JAK2: variants seen among roughly 807,000 people sequenced by gnomAD.
JAK2 encodes the protein Janus kinase 2.
A neutral mutation model predicts 139.3 loss-of-function variants in JAK2; 86 were observed. The ratio of observed to expected loss-of-function variants is 0.62; its 90% confidence interval spans 0.52 to 0.74. The LOEUF (loss-of-function observed/expected upper bound fraction) is 0.74, where lower values mean the gene tolerates loss of function less well. Ranked by LOEUF, JAK2 falls within the 30% of genes least tolerant of loss-of-function variation. The pLI is 0.00. For missense variants in JAK2, 1,421 were observed against 1,360.3 expected (o/e 1.04, Z -0.70); for synonymous variants, 490 against 437.7 (o/e 1.12, Z -1.49).
intron 22 of JAK2, chr9:5,101,050 C>G (rs1282596866): frequency 6.6e-6 from 1 of 152,276 alleles, no homozygotes; most frequent in Non-Finnish European, 1.5e-5. Flanking sequence ...GTGCAGCCCA[C>G]AGAGGGCAAG....
rs1432584650 is a variant in JAK2 at position 5,055,795 on chromosome 9, T to C, written c.1056+7T>C. 6.2e-7 allele frequency: 1 copy of C among 1,607,120 alleles called. No individual in the cohort carries two copies. The highest frequency in any genetic ancestry group is 1.3e-5 in the African/African-American group (1 of 74,686). ...GCAAGATGGTAAAAATCTGGTAAGT[T>C]TGCTTTATGATTGAATAATGGTTTC... On this transcript the variant is annotated splice_region_variant and intron_variant, in intron 8 of 24. Coordinates refer to ENST00000381652, the MANE Select transcript of JAK2 (RefSeq NM_004972.4).
At chr9:5,043,384 A>G (rs1331933703) in intron 4 of JAK2, among the ~76,000 whole-genome samples, 1 of 152,226 alleles carries the variant, frequency 6.6e-6, no homozygotes. Flanking sequence ...GAGAAATACA[A>G]ATCAAAACCA....
At chr9:5,042,477 C>G (rs1410499645) in intron 4 of JAK2, among the ~76,000 whole-genome samples, 1 of 152,208 alleles carries the variant, frequency 6.6e-6, no homozygotes, top group East Asian at 1.9e-4. Context: ...TAGTCCTCCC[C>G]TCCAAGAGCA....
chr9:5,127,667 G>A lies in JAK2; in HGVS notation c.*876G>A, dbSNP rs1397707524. On this transcript the variant is annotated 3_prime_UTR_variant, in exon 25 of 25. Transcript: ENST00000381652. Reference sequence around the variant, plus strand: ...GAATATTGTCATCCTTTGAGCTGCTGACTGCCAATAACATTCTTCGATCTC... The same window carrying A: ...GAATATTGTCATCCTTTGAGCTGCTAACTGCCAATAACATTCTTCGATCTC... 4.3e-6 allele frequency: 1 copy of A among 232,072 alleles called. No individual in the cohort carries two copies. The highest frequency in any genetic ancestry group is 8.5e-6 in the Non-Finnish European group (1 of 116,990). The allele number at this position is 232,072 out of a possible 1,614,324, so 14.4% of individuals were successfully genotyped here.
chr9:5,000,514 C>T (rs570282947), intron 2 of JAK2, among the ~76,000 whole-genome samples: 1 of 152,236 alleles, frequency 6.6e-6, no homozygotes, highest in African/African-American at 2.4e-5. Context: ...TATATATAGT[C>T]ATTGTGTAGA....
rs1465903884 is a variant in JAK2, at chr9:5,121,052, G to C, written c.3060-1952G>C. 3.3e-5 allele frequency among the ~76,000 whole-genome samples: 5 copies of C among 152,140 alleles called. No individual in the cohort carries two copies. In the East Asian group the frequency reaches 7.7e-4, roughly 23 times the overall value. ...TCTAAGGGAAAGTTTTTAACCAAGA[G>C]AGGAATAAATCTGATGAAGAGACCC... is the stretch of plus-strand genomic sequence containing the variant. On this transcript the variant is annotated intron_variant, in intron 22 of 24. Coordinates refer to ENST00000381652, the MANE Select transcript of JAK2 (RefSeq NM_004972.4).
intron 4 of JAK2, 149 bp from the exon 5 acceptor site, chr9:5,044,254 T>C: frequency 1.8e-6 from 1 of 564,774 alleles, no homozygotes. Flanking sequence ...CCACATATCC[T>C]TTTGTCTCAC....
intron 19 of JAK2, among the ~76,000 whole-genome samples, chr9:5,082,873 A>G (rs149205996): frequency 6.6e-6 from 1 of 152,258 alleles, no homozygotes; most frequent in African/African-American, 2.4e-5. Context: ...GGTTGGGGCA[A>G]AGTTACAGAT....
chr9:5,054,914 T>C lies in JAK2; in HGVS notation c.936+30T>C. ...TCCTTAATGATATGTTCTTGTTCTT[T>C]GTTATTTTAAGTACAATGGAAATAA... On this transcript the variant is annotated intron_variant, in intron 7 of 24. Coordinates refer to ENST00000381652, the MANE Select transcript of JAK2 (RefSeq NM_004972.4). This position sits in a 1 kb window ranked among gnomAD's most constrained non-coding sequence, Gnocchi z 4.9. 8 of 1,461,448 alleles carry C rather than the reference T, an allele frequency of 5.5e-6. No homozygotes were observed. Among genetic ancestry groups the C allele is most frequent in the Non-Finnish European group, 7.4e-6 (8 of 1,074,934 alleles). The allele number at this position is 1,461,448 out of a possible 1,614,324, so 90.5% of individuals were successfully genotyped here.
chr9:5,022,270 A>G (rs998283965), intron 3 of JAK2, 57 bp downstream of exon 3: 6 of 1,147,150 alleles, frequency 5.2e-6, no homozygotes, highest in Admixed American at 1.8e-5. Context: ...TAATTATGCT[A>G]TGCTAATACT....
intron 3 of JAK2, among the ~76,000 whole-genome samples, chr9:5,026,226 C>T (rs373188644): frequency 6.6e-6 from 1 of 152,060 alleles, no homozygotes; most frequent in Non-Finnish European, 1.5e-5. Context: ...TGAGTTTCAC[C>T]TTAGTTGTAT....
chr9:5,005,192 C>G (rs1488807526), intron 2 of JAK2, among the ~76,000 whole-genome samples: 3 of 143,198 alleles, frequency 2.1e-5, no homozygotes, highest in Non-Finnish European at 3.0e-5. Context: ...TCAAGTAATC[C>G]TCCCACCTTG....
At position 5,116,163 on chromosome 9, in the gene JAK2, G is replaced by A. The variant is rs151063695; in HGVS notation, c.3060-6841G>A. On this transcript the variant is annotated intron_variant, in intron 22 of 24. Transcript: ENST00000381652. Reference sequence around the variant, plus strand: ...CCTCATAACAACCCTTGGAGAACATGTATGATTATTATCTCTATTTTAAGC... The same window carrying A: ...CCTCATAACAACCCTTGGAGAACATATATGATTATTATCTCTATTTTAAGC... Among the ~76,000 whole-genome samples the A allele has an allele frequency of 3.4e-4, 52 of 152,230 alleles. No homozygotes were observed. The East Asian group carries it at 7.1e-3, about 21-fold the overall frequency.
rs767076792 is a variant in JAK2, at chr9:5,022,140, G to A, written c.153G>A (p.Glu51=). ...VYLYHSLGKS[E]ADYLTFPSGE... is the part of the protein sequence containing the mutation. ...TTTACCATTCCCTTGGGAAATCTGA[G>A]GCAGATTATCTGACCTTTCCATCTG... Residue 51 remains glutamate (E), a synonymous_variant, in exon 3 of 25, where the codon GAG becomes GAA. Coordinates refer to ENST00000381652, the MANE Select transcript of JAK2 (RefSeq NM_004972.4). The A allele has an allele frequency of 6.2e-7, 1 of 1,613,968 alleles. No homozygotes were observed. Among genetic ancestry groups the A allele is most frequent in the Non-Finnish European group, 8.5e-7 (1 of 1,179,982 alleles).
intron 2 of JAK2, among the ~76,000 whole-genome samples, chr9:5,018,321 TTTTG>T (rs370699694): frequency 3.5e-4 from 53 of 152,210 alleles, no homozygotes; most frequent in African/African-American, 1.1e-3. Flanking sequence ...TAATTGTCCT[TTTTG>T]TTTGTTTGTT....
rs1824078307 is a variant in JAK2, at chr9:5,127,559, T to G, written c.*768T>G. ...CTTGTATCTATTTGTGGTGAATGTG[T>G]TTTTTAAATGGAACTATCTCCAAAT... On this transcript the variant is annotated 3_prime_UTR_variant, in exon 25 of 25. Coordinates refer to ENST00000381652, the MANE Select transcript of JAK2 (RefSeq NM_004972.4). 1 of 231,108 alleles carries G rather than the reference T, an allele frequency of 4.3e-6. No individual in the cohort carries two copies. Among genetic ancestry groups the G allele is most frequent in the African/African-American group, 2.2e-5 (1 of 45,068 alleles). The allele number at this position is 231,108 out of a possible 1,614,324, so 14.3% of individuals were successfully genotyped here. A position where few individuals can be genotyped will look rare whatever the true frequency, so the allele number is the denominator to read the frequency against.
At chr9:5,007,095 CTTTAT>C (rs1297437089) in intron 2 of JAK2, among the ~76,000 whole-genome samples, 2 of 151,772 alleles carry the variant, frequency 1.3e-5, no homozygotes, top group African/African-American at 4.8e-5. Context: ...CTTTGCTTTT[CTTTAT>C]TTTATTTTTA....
chr9:5,103,070 G>A (rs574133726), intron 22 of JAK2, among the ~76,000 whole-genome samples: 56 of 151,838 alleles, frequency 3.7e-4, no homozygotes, highest in African/African-American at 1.3e-3. Context: ...TAAATGGGAT[G>A]AATGCCCCAA....
intron 22 of JAK2, chr9:5,111,571 G>A (rs902922314): frequency 5.5e-6 from 2 of 363,036 alleles, no homozygotes; most frequent in Admixed American, 3.7e-5. Flanking sequence ...ATGGCAGCCT[G>A]CACCCCTAAG....
Sources: gnomAD v4.1 joint callset for allele counts (sites outside exome capture counted in the v4.1 genomes callset) on GRCh38, gnomAD v4.1.1 for gene constraint, Gnocchi (gnomAD v3.1) non-coding constraint, MANE v1.5 for transcripts, NCBI Gene and HGNC (gene_info 2026-07-23, HGNC 2026-07-21) for gene names.